Variants in PRKAR2B observed in about 807,000 individuals in gnomAD.
PRKAR2B encodes the protein cAMP-dependent protein kinase type II-beta regulatory subunit.
In PRKAR2B, 14 loss-of-function variants were observed where a neutral mutation model predicts 49.9. The ratio of observed to expected loss-of-function variants is 0.28; its 90% CI spans 0.19 to 0.44. The LOEUF (loss-of-function observed/expected upper bound fraction) is 0.44, where lower values mean the gene tolerates loss of function less well. PRKAR2B is among the 20% of genes least tolerant of loss of function. The pLI, the probability that PRKAR2B is intolerant of heterozygous loss-of-function variation, is 1.00. For synonymous variants in PRKAR2B, 196 were observed against 197.7 expected (o/e 0.99, Z 0.07); for missense variants, 393 against 537.9 (o/e 0.73, Z 2.67).
chr7:107,139,032 A>G (rs1364693112), intron 4 of PRKAR2B, among the ~76,000 whole-genome samples: 1 of 152,192 alleles, frequency 6.6e-6, no homozygotes, highest in Non-Finnish European at 1.5e-5. Flanking sequence ...TTAATTTCCA[A>G]GCCACCCATT....
intron 4 of PRKAR2B, among the ~76,000 whole-genome samples, chr7:107,132,939 T>A (rs1297878286): frequency 2.0e-5 from 3 of 152,192 alleles, no homozygotes; most frequent in African/African-American, 7.2e-5. Context: ...AATGCTCCAC[T>A]CAGTAGGCCA....
intron 2 of PRKAR2B, among the ~76,000 whole-genome samples, chr7:107,097,919 C>T (rs1486532222): frequency 2.0e-5 from 3 of 152,174 alleles, no homozygotes; most frequent in Non-Finnish European, 2.9e-5. Context: ...GTAACCCGAC[C>T]TTTCTCTCTG....
intron 2 of PRKAR2B, among the ~76,000 whole-genome samples, chr7:107,088,844 C>T (rs1319188035): frequency 6.6e-6 from 1 of 152,144 alleles, no homozygotes; most frequent in African/African-American, 2.4e-5. Flanking sequence ...AAGTGATCCA[C>T]CTGAGTTGGC....
chr7:107,115,495 T>C (rs1795256551), intron 2 of PRKAR2B, among the ~76,000 whole-genome samples: 1 of 152,156 alleles, frequency 6.6e-6, no homozygotes, highest in Admixed American at 6.5e-5. Context: ...AGTAGGAAAA[T>C]ATTAAAAATT....
At chr7:107,083,326 T>TTGCTTG (rs1794551493) in intron 2 of PRKAR2B, among the ~76,000 whole-genome samples, 2 of 151,754 alleles carry the variant, frequency 1.3e-5, no homozygotes, top group South Asian at 2.1e-4. Flanking sequence ...AATTTTTGAA[T>TTGCTTG]AAAGATTATT....
intron 2 of PRKAR2B, among the ~76,000 whole-genome samples, chr7:107,089,859 G>C (rs1197940674): frequency 3.3e-5 from 5 of 152,184 alleles, no homozygotes. Flanking sequence ...AACCACACAT[G>C]ATCCCTGAGT....
chr7:107,074,264 T>A (rs7808028), intron 2 of PRKAR2B, among the ~76,000 whole-genome samples: 3 of 151,260 alleles, frequency 2.0e-5, no homozygotes, highest in Non-Finnish European at 4.4e-5. Context: ...CCACCATGCC[T>A]GGCTAATTTT....
At chr7:107,121,578 A>C (rs1270923007) in intron 2 of PRKAR2B, among the ~76,000 whole-genome samples, 2 of 152,296 alleles carry the variant, frequency 1.3e-5, no homozygotes, top group Admixed American at 1.3e-4. Flanking sequence ...ATAATTTGTG[A>C]AAGTTAGTCA....
chr7:107,098,691 T>G (rs1022618293), intron 2 of PRKAR2B, among the ~76,000 whole-genome samples: 1 of 152,100 alleles, frequency 6.6e-6, no homozygotes. Flanking sequence ...ACAAATGGGG[T>G]TTTGGTGTGG....
At chr7:107,097,759 C>T (rs915105782) in intron 2 of PRKAR2B, among the ~76,000 whole-genome samples, 45 of 151,994 alleles carry the variant, frequency 3.0e-4, no homozygotes, top group Admixed American at 2.0e-3. Context: ...TATTTCTCCT[C>T]CACTTATGAA....
intron 3 of PRKAR2B, among the ~76,000 whole-genome samples, chr7:107,124,568 C>T (rs1199339760): frequency 6.6e-6 from 1 of 152,204 alleles, no homozygotes; most frequent in African/African-American, 2.4e-5. Flanking sequence ...CAGGCATGCA[C>T]CACCACATAC....
chr7:107,141,314 T>G (rs550610425), intron 5 of PRKAR2B, among the ~76,000 whole-genome samples: 1 of 152,370 alleles, frequency 6.6e-6, no homozygotes, highest in South Asian at 2.1e-4. Flanking sequence ...ACATCTGAGA[T>G]ATTAATTCAC....
At chr7:107,151,109 T>G (rs941952099) in intron 7 of PRKAR2B, 86 bp downstream of exon 7, 28 of 723,868 alleles carry the variant, frequency 3.9e-5, no homozygotes, top group Non-Finnish European at 5.8e-5. Flanking sequence ...AAAAATTTCT[T>G]TGAATAAAAA....
intron 3 of PRKAR2B, among the ~76,000 whole-genome samples, chr7:107,127,027 A>G (rs531749922): frequency 6.6e-6 from 1 of 152,364 alleles, no homozygotes; most frequent in South Asian, 2.1e-4. Flanking sequence ...GTTTACATAT[A>G]AATAGTTTAG....
intron 3 of PRKAR2B, among the ~76,000 whole-genome samples, chr7:107,127,683 CAT>C (rs1470024412): frequency 6.6e-6 from 1 of 152,256 alleles, no homozygotes; most frequent in East Asian, 1.9e-4. Context: ...GTACATACCA[CAT>C]GTGTAAAAAT....
chr7:107,092,474 T>C (rs376455143), intron 2 of PRKAR2B, among the ~76,000 whole-genome samples: 3 of 152,092 alleles, frequency 2.0e-5, no homozygotes, highest in African/African-American at 7.2e-5. Flanking sequence ...AACACTCTTA[T>C]TGAAGTGTGT....
intron 10 of PRKAR2B, 26 bp downstream of exon 10, chr7:107,157,350 T>G: frequency 6.3e-7 from 1 of 1,596,160 alleles, no homozygotes; most frequent in Non-Finnish European, 8.5e-7. Context: ...GTGGGCGTGC[T>G]TCTGCTGGTT....
At chr7:107,052,279 C>T (rs1793821561) in intron 1 of PRKAR2B, among the ~76,000 whole-genome samples, 1 of 152,016 alleles carries the variant, frequency 6.6e-6, no homozygotes, top group South Asian at 2.1e-4. Flanking sequence ...ATTAGCTGGG[C>T]GTGGTGGCGG....
intron 2 of PRKAR2B, among the ~76,000 whole-genome samples, chr7:107,119,979 C>T (rs1795358122): frequency 6.6e-6 from 1 of 152,146 alleles, no homozygotes; most frequent in African/African-American, 2.4e-5. Context: ...AGAGCAAGAG[C>T]TTTGGAGTCA....
Sources: allele counts gnomAD v4.1 joint callset (sites outside exome capture counted in the v4.1 genomes callset), GRCh38; gene constraint gnomAD v4.1.1; transcripts MANE v1.5; gene names NCBI Gene and HGNC (gene_info 2026-07-23, HGNC 2026-07-21).